Variants in THSD4 observed in about 807,000 individuals in gnomAD.
THSD4 encodes thrombospondin type 1 domain containing 4.
A neutral mutation model predicts 119.0 loss-of-function variants in THSD4; 69 were observed. The ratio of observed to expected loss-of-function variants is 0.58; its 90% CI spans 0.48 to 0.71. The LOEUF (loss-of-function observed/expected upper bound fraction) is 0.71. Among genes scored for constraint, THSD4 ranks in the 30% least tolerant of loss-of-function variants. The probability of loss-of-function intolerance (pLI) is 0.00; values close to 1 mark genes in which losing one functional copy is unlikely to be tolerated. For synonymous variants in THSD4, 524 were observed against 540.4 expected (o/e 0.97, Z 0.42); for missense variants, 1,393 against 1,391.1 (o/e 1.00, Z -0.02).
At chr15:71,308,034 A>G (rs11072269) in intron 6 of THSD4, among the ~76,000 whole-genome samples, 148,962 of 152,266 alleles carry the variant, frequency 0.98, 72,938 homozygotes, top group East Asian at 1. Context: ...CAGTCATAGA[A>G]GCATGCAGCA....
At chr15:71,395,956 CACAG>C (rs1302840666) in intron 6 of THSD4, among the ~76,000 whole-genome samples, 20 of 146,662 alleles carry the variant, frequency 1.4e-4, no homozygotes, top group East Asian at 6.7e-4. Context: ...CACACACAAA[CACAG>C]ACTTTGTTGA....
At chr15:71,415,153 A>G (rs943969326) in intron 7 of THSD4, among the ~76,000 whole-genome samples, 2 of 152,228 alleles carry the variant, frequency 1.3e-5, no homozygotes, top group Non-Finnish European at 2.9e-5. Flanking sequence ...CTGGCCACAT[A>G]GAGTTGAAAG....
At chr15:71,202,234 T>C (rs1329507177) in intron 3 of THSD4, among the ~76,000 whole-genome samples, 1 of 152,204 alleles carries the variant, frequency 6.6e-6, no homozygotes, top group African/African-American at 2.4e-5. Flanking sequence ...TCTGTGTCTT[T>C]GCCTTGTCAC....
intron 7 of THSD4, among the ~76,000 whole-genome samples, chr15:71,510,656 G>C (rs772210695): frequency 6.6e-6 from 1 of 152,202 alleles, no homozygotes; most frequent in Non-Finnish European, 1.5e-5. Context: ...TGGACCTGAA[G>C]ACAAACCAGG....
chr15:71,405,788 T>C (rs1023273937), intron 6 of THSD4, among the ~76,000 whole-genome samples: 4 of 152,248 alleles, frequency 2.6e-5, no homozygotes, highest in Non-Finnish European at 5.9e-5. Context: ...ATGTGATATC[T>C]TTCCATTTGT....
chr15:71,710,213 C>G (rs570466203), intron 8 of THSD4, among the ~76,000 whole-genome samples: 1 of 152,292 alleles, frequency 6.6e-6, no homozygotes, highest in African/African-American at 2.4e-5. Flanking sequence ...GGAGGTGCCC[C>G]CCTCCATTCC....
intron 7 of THSD4, among the ~76,000 whole-genome samples, chr15:71,571,624 T>C (rs1040354029): frequency 6.6e-6 from 1 of 152,184 alleles, no homozygotes; most frequent in African/African-American, 2.4e-5. Context: ...TGAGTACCTA[T>C]TGTGGACAGG....
At position 71,510,973 on chromosome 15, in the gene THSD4, G is replaced by A. The variant is rs566118482; in HGVS notation, c.1152+99150G>A. Among the ~76,000 whole-genome samples the A allele has an allele frequency of 9.9e-5, 15 of 152,268 alleles. No individual in the cohort carries two copies. The South Asian group carries it at 1.2e-3, about 13-fold the overall frequency. Reference sequence around the variant, plus strand: ...TGAGAGGATGGATGACCTCACGTTTGGCGGTGTGGTCGAGTGATGTTTTGT... The same window carrying A: ...TGAGAGGATGGATGACCTCACGTTTAGCGGTGTGGTCGAGTGATGTTTTGT... On this transcript the variant is annotated intron_variant, in intron 7 of 17. Coordinates refer to ENST00000261862, the MANE Select transcript of THSD4 (RefSeq NM_024817.3).
At chr15:71,714,719 GC>G (rs66480210) in intron 8 of THSD4, among the ~76,000 whole-genome samples, 4,968 of 152,072 alleles carry the variant, frequency 0.033, 275 homozygotes, top group African/African-American at 0.11. Context: ...GGTGACGCAT[GC>G]CTGTAATCCT....
intron 7 of THSD4, among the ~76,000 whole-genome samples, chr15:71,507,195 T>C (rs2048203227): frequency 6.6e-6 from 1 of 152,196 alleles, no homozygotes; most frequent in Non-Finnish European, 1.5e-5. Flanking sequence ...GCTACCCCGC[T>C]GGCTCAGAGC....
chr15:71,349,077 G>A lies in THSD4; in HGVS notation c.1016-62610G>A, dbSNP rs7173272. Reference sequence around the variant, plus strand: ...ATGCCATCTGCCAACATTTTGCCACGTGGAGTGGTAGGAAAACCAGGACAG... The same window carrying A: ...ATGCCATCTGCCAACATTTTGCCACATGGAGTGGTAGGAAAACCAGGACAG... On this transcript the variant is annotated intron_variant, in intron 6 of 17. Coordinates refer to ENST00000261862, the MANE Select transcript of THSD4 (RefSeq NM_024817.3). 2.3e-3 allele frequency among the ~76,000 whole-genome samples: 325 copies of A among 139,904 alleles called. 3 individuals are homozygous for A. Among genetic ancestry groups the A allele is most frequent in the African/African-American group, 8.0e-3 (302 of 37,518 alleles). The allele number at this position is 139,904 out of a possible 152,430, so 91.8% of individuals were successfully genotyped here.
intron 6 of THSD4, among the ~76,000 whole-genome samples, chr15:71,331,674 T>C (rs1022386676): frequency 2.6e-5 from 4 of 152,098 alleles, no homozygotes; most frequent in African/African-American, 9.7e-5. Context: ...TTGTAGGACC[T>C]AGGGAAATGG....
At chr15:71,501,547 T>G (rs768810157) in intron 7 of THSD4, among the ~76,000 whole-genome samples, 42 of 152,312 alleles carry the variant, frequency 2.8e-4, no homozygotes, top group Middle Eastern at 3.4e-3. Context: ...ATGCCAGGGC[T>G]AGGTAATGCC....
intron 8 of THSD4, among the ~76,000 whole-genome samples, chr15:71,711,716 T>C (rs1415140957): frequency 1.3e-5 from 2 of 152,106 alleles, no homozygotes; most frequent in African/African-American, 4.8e-5. Context: ...TTTGAAAAGA[T>C]ATTTCGGGGA....
At chr15:71,433,581 C>G (rs969703691) in intron 7 of THSD4, among the ~76,000 whole-genome samples, 2 of 152,004 alleles carry the variant, frequency 1.3e-5, no homozygotes, top group African/African-American at 4.8e-5. Context: ...CCAGTGTGTC[C>G]CCTGAGTCAT....
At chr15:71,239,668 C>A (rs1027929069) in intron 4 of THSD4, among the ~76,000 whole-genome samples, 5 of 152,176 alleles carry the variant, frequency 3.3e-5, no homozygotes, top group African/African-American at 1.2e-4. Flanking sequence ...CTCAACAGCT[C>A]CCCTGGGCGC....
intron 7 of THSD4, among the ~76,000 whole-genome samples, chr15:71,445,084 G>A (rs751999): frequency 0.25 from 38,255 of 151,990 alleles, 5,352 homozygotes; most frequent in Middle Eastern, 0.36. Context: ...GTCCCTACTT[G>A]TTTTTCTATG....
At chr15:71,593,729 G>A (rs1295866969) in intron 7 of THSD4, among the ~76,000 whole-genome samples, 1 of 151,896 alleles carries the variant, frequency 6.6e-6, no homozygotes, top group African/African-American at 2.4e-5. Flanking sequence ...GCAAAACCCT[G>A]TCTCTATAGA....
intron 5 of THSD4, among the ~76,000 whole-genome samples, chr15:71,254,337 T>C (rs542041997): frequency 6.6e-6 from 1 of 152,290 alleles, no homozygotes; most frequent in South Asian, 2.1e-4. Flanking sequence ...AGTTCCCTCA[T>C]CTGTAAATGA....
Sources: gnomAD v4.1 joint callset for allele counts (sites outside exome capture counted in the v4.1 genomes callset) on GRCh38, gnomAD v4.1.1 for gene constraint, MANE v1.5 for transcripts, NCBI Gene and HGNC (gene_info 2026-07-23, HGNC 2026-07-21) for gene names.